PCYT2: variants seen among roughly 807,000 people sequenced by gnomAD.
PCYT2 encodes ethanolamine-phosphate cytidylyltransferase.
Under a neutral mutation model 50.0 loss-of-function variants are expected in PCYT2, and 33 were observed. That is an observed-to-expected ratio of 0.66 (90% confidence interval 0.50 to 0.88). The LOEUF (loss-of-function observed/expected upper bound fraction) is 0.88. Among genes scored for constraint, PCYT2 ranks in the 40% least tolerant of loss-of-function variants. The pLI is 0.00. For synonymous variants in PCYT2, 240 were observed against 203.7 expected (o/e 1.18, Z -1.52); for missense variants, 430 against 519.7 (o/e 0.83, Z 1.68).
chr17:81,907,062 G>A lies in PCYT2; in HGVS notation c.538-164C>T, dbSNP rs571498535. 91 of 1,039,820 alleles carry A rather than the reference G, an allele frequency of 8.8e-5. 1 individual carries two copies. In the South Asian group the frequency reaches 9.1e-4, roughly 10 times the overall value. The allele number at this position is 1,039,820 out of a possible 1,614,324, so 64.4% of individuals were successfully genotyped here. On this transcript the variant is annotated intron_variant, in intron 6 of 12. Coordinates refer to ENST00000538936, the MANE Select transcript of PCYT2 (RefSeq NM_002861.5). ...GCCAGGTGGCAGGTGGGACTGTGGC[G>A]CCACCCCACAACCACAGCAGGCACC... is the stretch of plus-strand genomic sequence containing the variant.
intron 5 of PCYT2, 40 bp from the exon 6 acceptor site, chr17:81,907,638 C>A: frequency 8.7e-6 from 14 of 1,606,016 alleles, no homozygotes; most frequent in Non-Finnish European, 1.1e-5. Context: ...GGCCTGCCCT[C>A]CCGGCGTGGC....
At chr17:81,909,468 C>G (rs1218258494) in intron 2 of PCYT2, 46 bp downstream of exon 2, 2 of 1,570,936 alleles carry the variant, frequency 1.3e-6, no homozygotes, top group African/African-American at 2.7e-5. Context: ...TCGCAACCCA[C>G]AGGAGGGCTG....
chr17:81,911,085 G>A, intron 1 of PCYT2, 182 bp downstream of exon 1: 1 of 1,002,408 alleles, frequency 1.0e-6, no homozygotes. Flanking sequence ...CCACGGCAGG[G>A]CGCGGAGCCT....
rs189849659 is a variant in PCYT2, at chr17:81,905,349, C to G, written c.969+33G>C. ...AATGGCTGGGAGGTGCCAATGGCAA[C>G]CCCTGTGCCCAGCAAGGGCCAGCAT... On this transcript the variant is annotated intron_variant, in intron 11 of 12. Transcript: ENST00000538936. 165 of 1,537,502 alleles carry G rather than the reference C, an allele frequency of 1.1e-4. 1 individual carries two copies. In the East Asian group the frequency reaches 2.9e-3, roughly 27 times the overall value.
Position 81,902,101 on chromosome 17 carries a change from C to T in PCYT2, c.*2732G>A. ...CCAGCGCTCGCCCGCGCGGCTGGTT[C>T]CTTTGGGATGCGGAGGTGCGACGGC... On this transcript the variant is annotated 3_prime_UTR_variant, in exon 13 of 13. Transcript: ENST00000538936. The T allele has an allele frequency of 2.2e-6, 1 of 456,706 alleles. No homozygotes were observed. The highest frequency in any genetic ancestry group is 3.3e-6 in the Non-Finnish European group (1 of 303,210). 28.3% of individuals were successfully genotyped at this position (456,706 alleles called of 1,614,324 possible).
chr17:81,902,461 G>T lies in PCYT2; in HGVS notation c.*2372C>A. ...GCGGCGCTCCCAGCCCTACAGAGGG[G>T]CGGAACCCCCGGGCGGGGCCGGCGC... is the stretch of plus-strand genomic sequence containing the variant. On this transcript the variant is annotated 3_prime_UTR_variant, in exon 13 of 13. Coordinates refer to ENST00000538936, the MANE Select transcript of PCYT2 (RefSeq NM_002861.5). 1 of 1,388,254 alleles carries T rather than the reference G, an allele frequency of 7.2e-7. No individual in the cohort carries two copies. The highest frequency in any genetic ancestry group is 9.3e-7 in the Non-Finnish European group (1 of 1,080,498). The allele number at this position is 1,388,254 out of a possible 1,614,324, so 86.0% of individuals were successfully genotyped here.
Position 81,905,665 on chromosome 17 carries a change from C to G in PCYT2, c.903+5G>C, listed in dbSNP as rs761086342. On this transcript the variant is annotated splice_donor_5th_base_variant and intron_variant, in intron 10 of 12. Transcript: ENST00000538936. ...GGAACGAGGTGAGCCCATGCGGAGCCTCACCTTGAAGTGACTTAGGAGCTC... is the reference window on the plus strand; with the variant it reads ...GGAACGAGGTGAGCCCATGCGGAGCGTCACCTTGAAGTGACTTAGGAGCTC... 115 of 1,612,914 alleles carry G rather than the reference C, an allele frequency of 7.1e-5. 1 individual carries two copies. The Admixed American group carries it at 1.9e-3, about 26-fold the overall frequency.
intron 4 of PCYT2, among the ~76,000 whole-genome samples, 156 bp downstream of exon 4, chr17:81,908,412 C>T (rs893297310): frequency 1.3e-5 from 2 of 152,272 alleles, no homozygotes; most frequent in Non-Finnish European, 2.9e-5. Context: ...CCCACAATGG[C>T]ACCTCCATCC....
At position 81,904,268 on chromosome 17, in the gene PCYT2, G is replaced by C. The variant is rs576519195; in HGVS notation, c.*565C>G. The C allele has an allele frequency of 6.6e-6, 1 of 152,630 alleles. No individual in the cohort carries two copies. The highest frequency in any genetic ancestry group is 1.5e-5 in the Non-Finnish European group (1 of 68,230). The allele number at this position is 152,630 out of a possible 1,614,324, so 9.5% of individuals were successfully genotyped here. A position where few individuals can be genotyped will look rare whatever the true frequency, so the allele number is the denominator to read the frequency against. ...CCAGGCTTTATTCGGTTGTACCAAA[G>C]AGATTTCCGTCAGCCATGTACAAAC... On this transcript the variant is annotated 3_prime_UTR_variant, in exon 13 of 13. Transcript: ENST00000538936.
chr17:81,902,679 C>G lies in PCYT2; in HGVS notation c.*2154G>C. The G allele has an allele frequency of 6.2e-7, 1 of 1,608,380 alleles. No homozygotes were observed. The highest frequency in any genetic ancestry group is 8.5e-7 in the Non-Finnish European group (1 of 1,178,730). On this transcript the variant is annotated 3_prime_UTR_variant, in exon 13 of 13. Transcript: ENST00000538936. ...AGAGGTGCGAGCGGCTCCCCGACGGCCGCGGGACCTACCAGTGCAAGGCGA... is the reference window on the plus strand; with the variant it reads ...AGAGGTGCGAGCGGCTCCCCGACGGGCGCGGGACCTACCAGTGCAAGGCGA...
rs1265065708 is a variant in PCYT2, at chr17:81,907,617, C to A, written c.493-19G>T. The A allele has an allele frequency of 2.5e-6, 4 of 1,610,710 alleles. No individual in the cohort carries two copies. The highest frequency in any genetic ancestry group is 3.4e-6 in the Non-Finnish European group (4 of 1,178,970). The stretch of plus-strand genomic sequence containing the variant: ...ACATCTCCTGCACAGAAGGTCAGAG[C>A]AGGGCTGAGGGGCCTGCCCTCCCGG... On this transcript the variant is annotated intron_variant, in intron 5 of 12. Coordinates refer to ENST00000538936, the MANE Select transcript of PCYT2 (RefSeq NM_002861.5).
chr17:81,910,689 C>G (rs2040546510), intron 1 of PCYT2, among the ~76,000 whole-genome samples: 1 of 152,262 alleles, frequency 6.6e-6, no homozygotes, highest in Admixed American at 6.5e-5. Flanking sequence ...TTCCTGGATT[C>G]CATCCGGCAG....
chr17:81,905,693 C>T lies in PCYT2; in HGVS notation c.880G>A (p.Ala294Thr). ...ACCTTGAAGTGACTTAGGAGCTCTG[C>T]TGTGACCGCGTACGGGGCTCCAATC... is the stretch of plus-strand genomic sequence containing the variant. ...VVIGAPYAVT[A>T]ELLSHFKVDL... is the part of the protein sequence containing the mutation. The change falls in exon 10 of 13, where the codon GCA becomes ACA. Residue 294 changes from alanine (A) to threonine (T), a missense_variant. By Grantham distance (58) the Ala-to-Thr change is moderately conservative. Coordinates refer to ENST00000538936, the MANE Select transcript of PCYT2 (RefSeq NM_002861.5). The T allele has an allele frequency of 1.2e-6, 2 of 1,613,620 alleles. No individual in the cohort carries two copies. The highest frequency in any genetic ancestry group is 1.3e-5 in the African/African-American group (1 of 75,044).
chr17:81,902,694 G>A lies in PCYT2; in HGVS notation c.*2139C>T, dbSNP rs1253067796. The A allele has an allele frequency of 2.5e-6, 4 of 1,609,062 alleles. No homozygotes were observed. The highest frequency in any genetic ancestry group is 2.5e-6 in the Non-Finnish European group (3 of 1,178,874). ...TCCCCGACGGCCGCGGGACCTACCA[G>A]TGCAAGGCGAACGTCTTCCTGTCCC... On this transcript the variant is annotated 3_prime_UTR_variant, in exon 13 of 13. Transcript: ENST00000538936.
rs1393229930 is a variant in PCYT2, at chr17:81,905,372, C to T, written c.969+10G>A. On this transcript the variant is annotated intron_variant, in intron 11 of 12. Coordinates refer to ENST00000538936, the MANE Select transcript of PCYT2 (RefSeq NM_002861.5). ...AACCCCTGTGCCCAGCAAGGGCCAG[C>T]ATGACCCACCTGGTATGGGTCGGAG... 2 of 1,553,500 alleles carry T rather than the reference C, an allele frequency of 1.3e-6. No individual in the cohort carries two copies. The highest frequency in any genetic ancestry group is 1.7e-6 in the Non-Finnish European group (2 of 1,147,724).
chr17:81,909,498 G>C lies in PCYT2; in HGVS notation c.178+16C>G. ...GGGCTGGGGGGCCGCGGGTGGGCGA[G>C]GCCATCTGTGCTTACCATCGGTGTG... On this transcript the variant is annotated intron_variant, in intron 2 of 12. Transcript: ENST00000538936. 6.2e-7 allele frequency: 1 copy of C among 1,605,732 alleles called. No homozygotes were observed. The highest frequency in any genetic ancestry group is 8.5e-7 in the Non-Finnish European group (1 of 1,173,126).
At position 81,902,078 on chromosome 17, in the gene PCYT2, A is replaced by G. The variant is rs1457307335; in HGVS notation, c.*2755T>C. The G allele has an allele frequency of 2.0e-5, 7 of 354,652 alleles. No individual in the cohort carries two copies. The highest frequency in any genetic ancestry group is 1.4e-4 in the South Asian group (1 of 7,274). The allele number at this position is 354,652 out of a possible 1,614,324, so 22.0% of individuals were successfully genotyped here. On this transcript the variant is annotated 3_prime_UTR_variant, in exon 13 of 13. Transcript: ENST00000538936. ...AAGCGCCAGATCCTTGCGCGCCTCC[A>G]GCGCTCGCCCGCGCGGCTGGTTCCT...
At position 81,907,820 on chromosome 17, in the gene PCYT2, G is replaced by A. The variant is rs1485674685; in HGVS notation, c.445C>T (p.Leu149Phe). 6.2e-7 allele frequency: 1 copy of A among 1,613,204 alleles called. No homozygotes were observed. Among genetic ancestry groups the A allele is most frequent in the Non-Finnish European group, 8.5e-7 (1 of 1,179,824 alleles). ...GTTACCAGCAGCATGCGGCCCACGA[G>A]GTCTGTGGTGGACACCCCTTGCGTG... ...KRTQGVSTTD[L>F]VGRMLLVTKA... is the part of the protein sequence containing the mutation. The change falls in exon 5 of 13, where the codon CTC becomes TTC. Residue 149 changes from leucine (L) to phenylalanine (F), a missense_variant. Leu to Phe is a conservative substitution (Grantham distance 22). This residue lies in a region of PCYT2 where 117 missense variants were observed against 163.9 expected (regional missense o/e 0.71). Transcript: ENST00000538936.
rs192563090 is a variant in PCYT2, at chr17:81,909,081, G to A, written c.179-44C>T. The A allele has an allele frequency of 1.1e-4, 168 of 1,590,164 alleles. 1 individual carries two copies. The African/African-American group carries it at 1.7e-3, about 16-fold the overall frequency. On this transcript the variant is annotated intron_variant, in intron 2 of 12. Transcript: ENST00000538936. ...GGAGACTGGGGACCCCAGCCCACCCGGCCCCTCCAGTAGGAGGCCCCTTCC... is the reference window on the plus strand; with the variant it reads ...GGAGACTGGGGACCCCAGCCCACCCAGCCCCTCCAGTAGGAGGCCCCTTCC...
Sources: allele counts gnomAD v4.1 joint callset (sites outside exome capture counted in the v4.1 genomes callset), GRCh38; gene constraint gnomAD v4.1.1; regional missense constraint gnomAD v4.1.1; transcripts MANE v1.5; gene names NCBI Gene and HGNC (gene_info 2026-07-23, HGNC 2026-07-21).